SIPA1L1: variants seen among roughly 807,000 people sequenced by gnomAD.
SIPA1L1 encodes signal-induced proliferation-associated 1-like protein 1.
In SIPA1L1, 26 loss-of-function variants were observed where a neutral mutation model predicts 162.7. That is an observed-to-expected ratio of 0.16 (90% CI 0.12 to 0.22). The LOEUF is 0.22. Among genes scored for constraint, SIPA1L1 ranks in the 10% least tolerant of loss-of-function variants. SIPA1L1 has a pLI of 1.00. For missense variants in SIPA1L1, 1,874 were observed against 2,241.0 expected (o/e 0.84, Z 3.31); for synonymous variants, 829 against 837.4 (o/e 0.99, Z 0.17).
At position 71,671,309 on chromosome 14, in the gene SIPA1L1, C is replaced by A; in HGVS notation, c.2446C>A (p.Leu816Met). Reference protein sequence around the residue: ...TRTRQEYLKDLAEKNVTNTPI... With the variant: ...TRTRQEYLKDMAEKNVTNTPI... ...GACCCGCCAGGAATACCTGAAAGATCTGGCAGAAAAGAATGTCACCAACAC... is the reference window on the plus strand; with the variant it reads ...GACCCGCCAGGAATACCTGAAAGATATGGCAGAAAAGAATGTCACCAACAC... Residue 816 changes from leucine to methionine, a missense_variant, in exon 11 of 24, where the codon CTG becomes ATG. By Grantham distance (15) the Leu-to-Met change is conservative. Transcript: ENST00000381232. 6.2e-7 allele frequency: 1 copy of A among 1,614,208 alleles called. No homozygotes were observed. Among genetic ancestry groups the A allele is most frequent in the Non-Finnish European group, 8.5e-7 (1 of 1,180,040 alleles).
chr14:71,709,193 C>A, intron 16 of SIPA1L1, 29 bp from the exon 17 acceptor site: 1 of 1,563,196 alleles, frequency 6.4e-7, no homozygotes, highest in Non-Finnish European at 8.7e-7. Flanking sequence ...CAAAACTTTG[C>A]ACTCAAATAA....
chr14:71,565,391 G>A (rs1213627006), intron 4 of SIPA1L1, among the ~76,000 whole-genome samples: 1 of 152,206 alleles, frequency 6.6e-6, no homozygotes, highest in African/African-American at 2.4e-5. Flanking sequence ...ACTGAATTTG[G>A]TTTTGGGAAG....
Position 71,672,511 on chromosome 14 carries a change from G to T in SIPA1L1, c.2993G>T (p.Cys998Phe). Residue 998 changes from cysteine to phenylalanine, a missense_variant, in exon 12 of 24, where the codon TGC (cysteine) becomes TTC (phenylalanine). Coordinates refer to ENST00000381232, the MANE Select transcript of SIPA1L1 (RefSeq NM_001386936.1). ...LRQGSRLVEI[C>F]KVAVATLSHE... is the part of the protein sequence containing the mutation. ...CAGGGCAGTCGCCTGGTGGAGATCT[G>T]CAAGGTGGCGGTAGCCACTCTGAGC... 6.2e-7 allele frequency: 1 copy of T among 1,613,822 alleles called. No individual in the cohort carries two copies. Among genetic ancestry groups the T allele is most frequent in the Non-Finnish European group, 8.5e-7 (1 of 1,179,902 alleles).
chr14:71,613,321 T>C (rs183279949), intron 5 of SIPA1L1, among the ~76,000 whole-genome samples: 5 of 152,240 alleles, frequency 3.3e-5, no homozygotes, highest in Admixed American at 1.3e-4. Context: ...AAGTGACTTA[T>C]CTTCTTTAAA....
chr14:71,476,647 C>T (rs533686480), intron 2 of SIPA1L1, among the ~76,000 whole-genome samples: 104 of 140,536 alleles, frequency 7.4e-4, no homozygotes, highest in Admixed American at 2.3e-3. Context: ...TCAATTTGTT[C>T]GTTTTATTTA....
intron 2 of SIPA1L1, among the ~76,000 whole-genome samples, chr14:71,352,037 G>A (rs1411649320): frequency 6.6e-6 from 1 of 151,374 alleles, no homozygotes; most frequent in Non-Finnish European, 1.5e-5. Context: ...TAGAAAAGGA[G>A]TATGATAAAC....
intron 2 of SIPA1L1, among the ~76,000 whole-genome samples, chr14:71,393,061 C>T (rs1012909888): frequency 7.2e-5 from 11 of 152,220 alleles, no homozygotes; most frequent in South Asian, 2.1e-4. Flanking sequence ...TTGAACTTAC[C>T]GATTGGTTGA....
At chr14:71,325,425 G>A (rs2033678936) in intron 2 of SIPA1L1, among the ~76,000 whole-genome samples, 1 of 152,012 alleles carries the variant, frequency 6.6e-6, no homozygotes, top group Non-Finnish European at 1.5e-5. Flanking sequence ...GTGGCTTCTG[G>A]GTCTTTTAAA....
intron 4 of SIPA1L1, among the ~76,000 whole-genome samples, chr14:71,531,615 A>G (rs1383475500): frequency 1.3e-5 from 2 of 151,986 alleles, no homozygotes; most frequent in African/African-American, 4.8e-5. Flanking sequence ...CCCAGGCGGG[A>G]GTACAGTGGT....
chr14:71,681,054 C>T (rs142555787), intron 12 of SIPA1L1, among the ~76,000 whole-genome samples: 209 of 152,304 alleles, frequency 1.4e-3, no homozygotes, highest in Non-Finnish European at 2.5e-3. Flanking sequence ...GTATCAGCAG[C>T]TTCATTTTTA....
chr14:71,535,899 T>C (rs140381464), intron 4 of SIPA1L1, among the ~76,000 whole-genome samples: 209 of 152,304 alleles, frequency 1.4e-3, no homozygotes, highest in Non-Finnish European at 2.5e-3. Context: ...CATGGGCCAC[T>C]GCACCTGGTC....
Position 71,730,038 on chromosome 14 carries a change from T to G in SIPA1L1, c.4615-17T>G. The G allele has an allele frequency of 6.2e-7, 1 of 1,609,992 alleles. No homozygotes were observed. The highest frequency in any genetic ancestry group is 8.5e-7 in the Non-Finnish European group (1 of 1,177,340). Reference sequence around the variant, plus strand: ...ACCAGAAAATTGACTTTCTTTTGTCTTGATCCTGTTTTTCAGTTCCACGCA... The same window carrying G: ...ACCAGAAAATTGACTTTCTTTTGTCGTGATCCTGTTTTTCAGTTCCACGCA... On this transcript the variant is annotated splice_polypyrimidine_tract_variant and intron_variant, in intron 19 of 23. Transcript: ENST00000381232.
intron 2 of SIPA1L1, among the ~76,000 whole-genome samples, chr14:71,412,832 A>G (rs896849852): frequency 1.4e-4 from 21 of 152,332 alleles, no homozygotes; most frequent in Non-Finnish European, 2.5e-4. Flanking sequence ...CTTATTTAAT[A>G]CATTTTAGAA....
At chr14:71,612,907 T>C (rs1051696491) in intron 5 of SIPA1L1, among the ~76,000 whole-genome samples, 2 of 152,210 alleles carry the variant, frequency 1.3e-5, no homozygotes, top group African/African-American at 4.8e-5. Context: ...AATATTTTAA[T>C]GATGACATAA....
chr14:71,540,106 A>G (rs1016131022), intron 4 of SIPA1L1, among the ~76,000 whole-genome samples: 4 of 151,728 alleles, frequency 2.6e-5, no homozygotes, highest in African/African-American at 4.8e-5. Flanking sequence ...AGCTCTAAAA[A>G]TACCTTATCA....
Position 71,529,309 on chromosome 14 carries a change from C to G in SIPA1L1, c.-361-3C>G, listed in dbSNP as rs1230270024. On this transcript the variant is annotated splice_polypyrimidine_tract_variant and splice_region_variant and intron_variant, in intron 3 of 23. Transcript: ENST00000381232. ...CCAGGTTTTTTTTCTAATTTTATTT[C>G]AGGTTATACCTTATTGGTGTGGACG... 1 of 612,878 alleles carries G rather than the reference C, an allele frequency of 1.6e-6. No individual in the cohort carries two copies. Among genetic ancestry groups the G allele is most frequent in the African/African-American group, 1.9e-5 (1 of 53,770 alleles). 38.0% of individuals were successfully genotyped at this position (612,878 alleles called of 1,614,324 possible).
intron 5 of SIPA1L1, among the ~76,000 whole-genome samples, chr14:71,591,294 A>G (rs1290558319): frequency 1.6e-5 from 2 of 121,374 alleles, no homozygotes; most frequent in Non-Finnish European, 1.7e-5. Flanking sequence ...CTTATTTTCC[A>G]GTTGAGAAAA....
intron 2 of SIPA1L1, among the ~76,000 whole-genome samples, chr14:71,406,062 G>A (rs1174402924): frequency 3.3e-5 from 5 of 152,196 alleles, no homozygotes; most frequent in Non-Finnish European, 7.3e-5. Context: ...TTCAACCAAT[G>A]TGAAGACAGT....
chr14:71,480,331 T>C (rs192183560), intron 2 of SIPA1L1, among the ~76,000 whole-genome samples: 68 of 151,422 alleles, frequency 4.5e-4, no homozygotes, highest in Non-Finnish European at 8.9e-5. Context: ...TCAGTTGATC[T>C]GCCCACCTCG....
Sources: allele counts gnomAD v4.1 joint callset (sites outside exome capture counted in the v4.1 genomes callset), GRCh38; gene constraint gnomAD v4.1.1; transcripts MANE v1.5; gene names NCBI Gene and HGNC (gene_info 2026-07-23, HGNC 2026-07-21).